The following LHCGR variants were observed in gnomAD, a reference collection of about 807,000 sequenced individuals.
LHCGR encodes lutropin-choriogonadotropic hormone receptor.
In LHCGR, 55 loss-of-function variants were observed where a neutral mutation model predicts 60.7. The ratio of observed to expected loss-of-function variants is 0.91; its 90% CI spans 0.73 to 1.13. The LOEUF (loss-of-function observed/expected upper bound fraction) is 1.13, where lower values mean the gene tolerates loss of function less well. LHCGR is among the 50% of genes most tolerant of loss of function. LHCGR has a pLI of 0.00. For missense variants in LHCGR, 862 were observed against 836.0 expected (o/e 1.03, Z -0.38); for synonymous variants, 337 against 316.5 (o/e 1.06, Z -0.69).
At chr2:48,728,304 G>GAGGATTAAA (rs1252165958) in intron 3 of LHCGR, among the ~76,000 whole-genome samples, 2 of 152,118 alleles carry the variant, frequency 1.3e-5, no homozygotes, top group Non-Finnish European at 1.5e-5. Context: ...TGGTAGCTGT[G>GAGGATTAAA]AGGATTAAAT....
intron 1 of LHCGR, among the ~76,000 whole-genome samples, chr2:48,753,360 C>T (rs867917079): frequency 2.6e-5 from 4 of 152,156 alleles, no homozygotes; most frequent in Non-Finnish European, 5.9e-5. Context: ...CCTGTTTTGG[C>T]CTGCATAGGC....
Position 48,688,138 on chromosome 2 carries a change from A to T in LHCGR, c.1659T>A (p.Val553=), listed in dbSNP as rs1296503473. ...CACYIKIYFA[V]RNPELMATNK... is the part of the protein sequence containing the mutation. ...TGGTAGCCATTAATTCTGGGTTTCGAACTGCAAAATAAATTTTAATGTAGC... is the reference window on the plus strand; with the variant it reads ...TGGTAGCCATTAATTCTGGGTTTCGTACTGCAAAATAAATTTTAATGTAGC... Residue 553 remains valine (V), a synonymous_variant, in exon 11 of 11, where the codon GTT becomes GTA. Coordinates refer to ENST00000294954, the MANE Select transcript of LHCGR (RefSeq NM_000233.4). The surrounding 1 kb of genome is among the most constrained non-coding windows in gnomAD (Gnocchi z 5.2). The T allele has an allele frequency of 6.2e-7, 1 of 1,614,020 alleles. No homozygotes were observed. Among genetic ancestry groups the T allele is most frequent in the Non-Finnish European group, 8.5e-7 (1 of 1,180,022 alleles).
chr2:48,726,068 AG>A (rs1201096622), intron 3 of LHCGR, among the ~76,000 whole-genome samples: 2 of 152,072 alleles, frequency 1.3e-5, no homozygotes, highest in Non-Finnish European at 2.9e-5. Context: ...CTCCTGGCCA[AG>A]CAGATTCTGC....
intron 2 of LHCGR, among the ~76,000 whole-genome samples, chr2:48,730,137 A>G (rs988696649): frequency 9.2e-5 from 14 of 152,228 alleles, no homozygotes; most frequent in Non-Finnish European, 1.9e-4. Context: ...CTTCAGACTG[A>G]TGAGAGCATT....
chr2:48,688,107 C>T lies in LHCGR; in HGVS notation c.1690G>A (p.Asp564Asn). 1 of 1,614,110 alleles carries T rather than the reference C, an allele frequency of 6.2e-7. No homozygotes were observed. The part of the protein sequence containing the change: ...RNPELMATNK[D>N]TKIAKKMAIL... ...GCCATTTTCTTAGCAATCTTTGTAT[C>T]TTTATTGGTAGCCATTAATTCTGGG... The change falls in exon 11 of 11, where the codon GAT becomes AAT. Residue 564 changes from aspartate (D) to asparagine (N), a missense_variant. Asp to Asn is a conservative substitution (Grantham distance 23). Coordinates refer to ENST00000294954, the MANE Select transcript of LHCGR (RefSeq NM_000233.4). The surrounding 1 kb of genome is among the most constrained non-coding windows in gnomAD (Gnocchi z 5.2).
intron 8 of LHCGR, 84 bp downstream of exon 8, chr2:48,708,864 C>T (rs1457778490): frequency 5.8e-6 from 6 of 1,033,378 alleles, no homozygotes; most frequent in East Asian, 2.4e-5. Flanking sequence ...CACATATCAG[C>T]TTGGGGATGA....
At chr2:48,718,033 T>C (rs1668339743) in intron 6 of LHCGR, among the ~76,000 whole-genome samples, 2 of 152,062 alleles carry the variant, frequency 1.3e-5, no homozygotes, top group African/African-American at 4.8e-5. Flanking sequence ...GACCTCATGC[T>C]GTCAGTCTTG....
chr2:48,752,750 C>G (rs1670014442), intron 1 of LHCGR, among the ~76,000 whole-genome samples: 2 of 151,916 alleles, frequency 1.3e-5, no homozygotes, highest in Admixed American at 1.3e-4. Context: ...GTTAATCTTT[C>G]CCCCATGTTG....
intron 7 of LHCGR, 116 bp downstream of exon 7, chr2:48,713,870 A>C: frequency 1.2e-6 from 1 of 825,160 alleles, no homozygotes; most frequent in Non-Finnish European, 2.1e-6. Context: ...ACTGAGGGCT[A>C]GCCACTTGAA....
intron 6 of LHCGR, among the ~76,000 whole-genome samples, chr2:48,716,930 T>C (rs1013862999): frequency 6.6e-6 from 1 of 152,200 alleles, no homozygotes; most frequent in African/African-American, 2.4e-5. Flanking sequence ...CAGAAACTAA[T>C]AGTGGTATCC....
intron 1 of LHCGR, among the ~76,000 whole-genome samples, chr2:48,741,066 C>T (rs1425735649): frequency 8.5e-5 from 13 of 152,084 alleles, no homozygotes; most frequent in South Asian, 2.1e-4. Context: ...GGAGCTGATG[C>T]GATCAACTGG....
At position 48,755,515 on chromosome 2, in the gene LHCGR, G is replaced by C; in HGVS notation, c.157C>G (p.Arg53Gly). 6.5e-7 allele frequency: 1 copy of C among 1,539,206 alleles called. No homozygotes were observed. Among genetic ancestry groups the C allele is most frequent in the Non-Finnish European group, 8.8e-7 (1 of 1,141,394 alleles). The change falls in exon 1 of 11, where the codon CGA becomes GGA. Residue 53 changes from arginine to glycine, a missense_variant. By Grantham distance (125) the Arg-to-Gly change is moderately radical. Transcript: ENST00000294954. ...RCPGPTAGLT[R>G]LSLAYLPVKV... The stretch of plus-strand genomic sequence containing the variant: ...ACGGGAGCGCTGTGTACTCACAGTC[G>C]AGTGAGACCGGCCGTGGGGCCGGGG...
At chr2:48,721,912 G>C (rs1020875281) in intron 6 of LHCGR, 17 of 394,932 alleles carry the variant, frequency 4.3e-5, no homozygotes, top group Non-Finnish European at 8.1e-5. Flanking sequence ...AGCACTTTGG[G>C]AGGCCGAGGA....
At chr2:48,695,345 G>C (rs1472969634) in intron 9 of LHCGR, among the ~76,000 whole-genome samples, 1 of 152,094 alleles carries the variant, frequency 6.6e-6, no homozygotes, top group Non-Finnish European at 1.5e-5. Context: ...TGCTTTTGAG[G>C]ACTTAGCTAA....
chr2:48,731,570 CT>C (rs1186035013), intron 1 of LHCGR, among the ~76,000 whole-genome samples: 3 of 152,186 alleles, frequency 2.0e-5, no homozygotes, highest in African/African-American at 7.2e-5. Context: ...TGTCCCACTA[CT>C]TGGCTATGTG....
intron 1 of LHCGR, among the ~76,000 whole-genome samples, chr2:48,742,127 A>C (rs1295858731): frequency 1.3e-5 from 2 of 151,944 alleles, no homozygotes; most frequent in Admixed American, 6.6e-5. Flanking sequence ...GGATCAATTC[A>C]ACAAGAAGAG....
intron 2 of LHCGR, among the ~76,000 whole-genome samples, chr2:48,729,504 C>A (rs529033811): frequency 6.6e-6 from 1 of 152,292 alleles, no homozygotes; most frequent in Non-Finnish European, 1.5e-5. Flanking sequence ...TGACTCAGAG[C>A]CACAGATTGT....
Position 48,698,733 on chromosome 2 carries a change from C to T in LHCGR, c.748G>A (p.Ala250Thr). 2 of 1,614,114 alleles carry T rather than the reference C, an allele frequency of 1.2e-6. No homozygotes were observed. The highest frequency in any genetic ancestry group is 8.5e-7 in the Non-Finnish European group (1 of 1,179,978). The change falls in exon 9 of 11, where the codon GCC (alanine) becomes ACC (threonine). Residue 250 changes from alanine (A) to threonine (T), a missense_variant. Ala to Thr is a moderately conservative substitution (Grantham distance 58). Coordinates refer to ENST00000294954, the MANE Select transcript of LHCGR (RefSeq NM_000233.4). ...TTTTTTAGAGAATAGGATGACGTGG[C>T]AATTAGCCTCTGAATGGACTCTAGG... is the stretch of plus-strand genomic sequence containing the variant. ...YGLESIQRLI[A>T]TSSYSLKKLP...
At chr2:48,745,424 T>C (rs1224586331) in intron 1 of LHCGR, among the ~76,000 whole-genome samples, 2 of 152,048 alleles carry the variant, frequency 1.3e-5, no homozygotes, top group Non-Finnish European at 1.5e-5. Context: ...TTATTCACAA[T>C]AGCAAAGACT....
Sources: allele counts gnomAD v4.1 joint callset (sites outside exome capture counted in the v4.1 genomes callset), GRCh38; gene constraint gnomAD v4.1.1; non-coding constraint Gnocchi (gnomAD v3.1); transcripts MANE v1.5; gene names NCBI Gene and HGNC (gene_info 2026-07-23, HGNC 2026-07-21).